CDH4: variants seen among roughly 807,000 people sequenced by gnomAD.
CDH4 encodes cadherin 4.
In CDH4, 33 loss-of-function variants were observed where a neutral mutation model predicts 86.0. The ratio of observed to expected loss-of-function variants is 0.38; its 90% CI spans 0.29 to 0.51. The LOEUF (loss-of-function observed/expected upper bound fraction) is 0.51, where lower values mean the gene tolerates loss of function less well. Ranked by LOEUF, CDH4 falls within the 20% of genes least tolerant of loss-of-function variation. The pLI, the probability that CDH4 is intolerant of heterozygous loss-of-function variation, is 0.86. For synonymous variants in CDH4, 555 were observed against 549.4 expected (o/e 1.01, Z -0.14); for missense variants, 1,114 against 1,307.4 (o/e 0.85, Z 2.28).
In CDH4 at chr20:61,668,763, C is replaced by T. The variant is rs1600857388; in HGVS notation, c.170-74800C>T. Among the ~76,000 whole-genome samples, 3 of 152,364 alleles carry T rather than the reference C, an allele frequency of 2.0e-5. No homozygotes were observed. In the South Asian group the frequency reaches 6.2e-4, roughly 32 times the overall value. On this transcript the variant is annotated intron_variant, in intron 2 of 15. Transcript: ENST00000614565. ...CTGCACTCCAGGGGGATGCTGGTTC[C>T]AGGCCCCTGGGCCCTCCACTTACCG... is the stretch of plus-strand genomic sequence containing the variant.
At chr20:61,381,708 CA>C (rs1163537911) in intron 2 of CDH4, among the ~76,000 whole-genome samples, 4 of 152,144 alleles carry the variant, frequency 2.6e-5, no homozygotes, top group African/African-American at 9.7e-5. Context: ...TTTCCCACCC[CA>C]ATTTGGCCTT....
chr20:61,853,463 C>T (rs1388559271), intron 6 of CDH4, among the ~76,000 whole-genome samples: 1 of 152,180 alleles, frequency 6.6e-6, no homozygotes, highest in African/African-American at 2.4e-5. Flanking sequence ...CTGTCTGCTC[C>T]CCTCAGAGCT....
At chr20:61,771,777 C>G (rs932819842) in intron 3 of CDH4, among the ~76,000 whole-genome samples, 10 of 152,182 alleles carry the variant, frequency 6.6e-5, no homozygotes, top group African/African-American at 2.2e-4. Context: ...GACATGAACA[C>G]AGTGTAATGC....
chr20:61,565,233 G>GCGGTGCTCTTGGTGATGGGGTGA (rs1555809113), intron 2 of CDH4, among the ~76,000 whole-genome samples: 1 of 46,744 alleles, frequency 2.1e-5, no homozygotes, highest in Non-Finnish European at 4.1e-5. Flanking sequence ...GGTGGTGGTG[G>GCGGTGCTCTTGGTGATGGGGTGA]TGGTGGTGGC....
At chr20:61,588,660 A>C (rs2086496074) in intron 2 of CDH4, among the ~76,000 whole-genome samples, 1 of 151,834 alleles carries the variant, frequency 6.6e-6, no homozygotes. Flanking sequence ...GCTGCTCACC[A>C]TCCCCCTTTC....
intron 2 of CDH4, among the ~76,000 whole-genome samples, chr20:61,560,925 C>G (rs1228258294): frequency 6.6e-6 from 1 of 152,204 alleles, no homozygotes; most frequent in Non-Finnish European, 1.5e-5. Flanking sequence ...GAGGGACGGG[C>G]CGGGGTCACC....
At chr20:61,545,286 A>G (rs1182407613) in intron 2 of CDH4, among the ~76,000 whole-genome samples, 1 of 152,276 alleles carries the variant, frequency 6.6e-6, no homozygotes, top group Non-Finnish European at 1.5e-5. Flanking sequence ...GCCATGTCCA[A>G]CATGCGTACA....
intron 2 of CDH4, among the ~76,000 whole-genome samples, chr20:61,660,604 C>T (rs539680024): frequency 7.9e-4 from 120 of 152,158 alleles, no homozygotes; most frequent in Non-Finnish European, 1.2e-3. Context: ...GAGGGGTGGA[C>T]GGGGCGGTCG....
Position 61,544,282 on chromosome 20 carries a change from G to A in CDH4, c.170-199281G>A, listed in dbSNP as rs2086061212. 6.6e-6 allele frequency among the ~76,000 whole-genome samples: 1 copy of A among 152,086 alleles called. No individual in the cohort carries two copies. The highest frequency in any genetic ancestry group is 1.5e-5 in the Non-Finnish European group (1 of 68,022). On this transcript the variant is annotated intron_variant, in intron 2 of 15. Coordinates refer to ENST00000614565, the MANE Select transcript of CDH4 (RefSeq NM_001794.5). The surrounding 1 kb of genome is among the most constrained non-coding windows in gnomAD (Gnocchi z 6.5). ...GTACGGCTGACATCGAGCGGGTGGA[G>A]GCTGGGTACGGCTAAACACCCCACA...
chr20:61,549,121 G>A (rs905981938), intron 2 of CDH4, among the ~76,000 whole-genome samples: 3 of 152,158 alleles, frequency 2.0e-5, no homozygotes, highest in Non-Finnish European at 1.5e-5. Flanking sequence ...CTCAGAAGAT[G>A]AACAGCAATG....
At chr20:61,697,471 A>T (rs58240343) in intron 2 of CDH4, among the ~76,000 whole-genome samples, 17,965 of 152,100 alleles carry the variant, frequency 0.12, 1,534 homozygotes, top group East Asian at 0.34. Context: ...GGTGGTGGAC[A>T]CTTGTAATGC....
chr20:61,664,136 G>A (rs1252196133), intron 2 of CDH4, among the ~76,000 whole-genome samples: 1 of 152,126 alleles, frequency 6.6e-6, no homozygotes, highest in Non-Finnish European at 1.5e-5. Flanking sequence ...GGCCATCCCA[G>A]CCTCTCCCCA....
At chr20:61,637,003 C>T (rs2086954147) in intron 2 of CDH4, among the ~76,000 whole-genome samples, 1 of 152,218 alleles carries the variant, frequency 6.6e-6, no homozygotes, top group Non-Finnish European at 1.5e-5. Context: ...ATCACCTGGA[C>T]TCCAGTCCAG....
intron 2 of CDH4, among the ~76,000 whole-genome samples, chr20:61,513,171 G>T (rs2085792881): frequency 1.3e-5 from 2 of 152,056 alleles, no homozygotes; most frequent in African/African-American, 4.8e-5. Context: ...CTTCCATCTG[G>T]CCTGGAGCCC....
Position 61,404,457 on chromosome 20 carries a change from G to A in CDH4, c.169+149520G>A, listed in dbSNP as rs117153594. On this transcript the variant is annotated intron_variant, in intron 2 of 15. Coordinates refer to ENST00000614565, the MANE Select transcript of CDH4 (RefSeq NM_001794.5). ...GCTTCTTGCCTTTTCTGAAATATCC[G>A]GTGGCATTAAACGCACCCAGTGCAC... is the stretch of plus-strand genomic sequence containing the variant. Among the ~76,000 whole-genome samples the A allele has an allele frequency of 4.2e-3, 635 of 152,096 alleles. 1 individual carries two copies. Among genetic ancestry groups the A allele is most frequent in the Non-Finnish European group, 7.3e-3 (499 of 67,998 alleles).
chr20:61,616,115 A>G (rs2086723174), intron 2 of CDH4, among the ~76,000 whole-genome samples: 1 of 152,216 alleles, frequency 6.6e-6, no homozygotes, highest in Non-Finnish European at 1.5e-5. Context: ...CACAAAGCTC[A>G]ATCAGAAGCT....
At position 61,933,128 on chromosome 20, in the gene CDH4, A is replaced by C; in HGVS notation, c.2379+4A>C. 1 of 1,611,434 alleles carries C rather than the reference A, an allele frequency of 6.2e-7. No homozygotes were observed. The highest frequency in any genetic ancestry group is 8.5e-7 in the Non-Finnish European group (1 of 1,178,910). On this transcript the variant is annotated splice_donor_region_variant and intron_variant, in intron 14 of 15. Coordinates refer to ENST00000614565, the MANE Select transcript of CDH4 (RefSeq NM_001794.5). ...AGGCGGTGGCGAGGAGGACCAGGTG[A>C]GACTGCGGCCCGCCCCCGCCTCCCC...
intron 5 of CDH4, among the ~76,000 whole-genome samples, chr20:61,848,728 A>G (rs1288441466): frequency 6.6e-6 from 1 of 152,088 alleles, no homozygotes; most frequent in Non-Finnish European, 1.5e-5. Flanking sequence ...GGGTTTTACC[A>G]TGTTGGCCAG....
At chr20:61,591,738 A>G (rs2086520623) in intron 2 of CDH4, among the ~76,000 whole-genome samples, 1 of 152,200 alleles carries the variant, frequency 6.6e-6, no homozygotes, top group Non-Finnish European at 1.5e-5. Flanking sequence ...TCTTTAACCC[A>G]TGCATAATTT....
Sources: allele counts gnomAD v4.1 joint callset (sites outside exome capture counted in the v4.1 genomes callset), GRCh38; gene constraint gnomAD v4.1.1; non-coding constraint Gnocchi (gnomAD v3.1); transcripts MANE v1.5; gene names NCBI Gene and HGNC (gene_info 2026-07-23, HGNC 2026-07-21).